RASGRP3: variants seen among roughly 807,000 people sequenced by gnomAD.
The protein encoded by RASGRP3 is ras guanyl-releasing protein 3.
RASGRP3 carries 54 observed loss-of-function variants against 82.7 expected under a neutral mutation model. The ratio of observed to expected loss-of-function variants is 0.65; its 90% CI spans 0.52 to 0.82. RASGRP3 has a LOEUF of 0.82. RASGRP3 is among the 40% of genes least tolerant of loss of function. The pLI, the probability that RASGRP3 is intolerant of heterozygous loss-of-function variation, is 0.00. For synonymous variants in RASGRP3, 309 were observed against 300.5 expected (o/e 1.03, Z -0.29); for missense variants, 861 against 828.9 (o/e 1.04, Z -0.48).
intron 2 of RASGRP3, among the ~76,000 whole-genome samples, chr2:33,459,524 A>G (rs1432996125): frequency 1.3e-5 from 2 of 152,170 alleles, no homozygotes; most frequent in African/African-American, 2.4e-5. Flanking sequence ...AAACAAAGCC[A>G]AACACTAATT....
intron 13 of RASGRP3, among the ~76,000 whole-genome samples, chr2:33,545,712 A>G (rs1402986517): frequency 1.3e-5 from 2 of 152,234 alleles, no homozygotes; most frequent in African/African-American, 2.4e-5. Flanking sequence ...AAGCATATGA[A>G]AAAAAGCTCA....
chr2:33,473,801 A>G (rs560261371), upstream of RASGRP3, among the ~76,000 whole-genome samples: 34 of 152,214 alleles, frequency 2.2e-4, 2 homozygotes, highest in South Asian at 7.1e-3. Flanking sequence ...GAACTAGAAA[A>G]GAACCTCTAC....
At position 33,522,117 on chromosome 2, in the gene RASGRP3, A is replaced by T; in HGVS notation, c.516+15A>T. On this transcript the variant is annotated intron_variant, in intron 7 of 17. Coordinates refer to ENST00000403687, the MANE Select transcript of RASGRP3 (RefSeq NM_001139488.2). ...GAAGGATCTCAGTAAGAAACTTGAC[A>T]TTTATTCTTCCAAGGATAACAACCA... is the stretch of plus-strand genomic sequence containing the variant. 6.3e-7 allele frequency: 1 copy of T among 1,595,014 alleles called. No homozygotes were observed. Among genetic ancestry groups the T allele is most frequent in the Non-Finnish European group, 8.5e-7 (1 of 1,174,054 alleles).
Position 33,521,941 on chromosome 2 carries a change from CTCTTCTTT to C in RASGRP3, c.369-12_369-5del. On this transcript the variant is annotated splice_region_variant and splice_polypyrimidine_tract_variant and intron_variant, in intron 6 of 17. Transcript: ENST00000403687. ...GCTTTCAACACATTGACCGGACTCA[CTCTTCTTT>C]TATAGTCCTTCCTATGACTGGATGA... 6.2e-7 allele frequency: 1 copy of C among 1,601,430 alleles called. No homozygotes were observed. The highest frequency in any genetic ancestry group is 2.2e-5 in the East Asian group (1 of 44,820).
At chr2:33,559,587 G>C (rs773231815) in intron 17 of RASGRP3, 1 of 518,568 alleles carries the variant, frequency 1.9e-6, no homozygotes, top group Non-Finnish European at 3.9e-6. Context: ...GTAGGATGCA[G>C]ATGGAATTTG....
At chr2:33,462,641 G>A (rs1383688862) in intron 2 of RASGRP3, among the ~76,000 whole-genome samples, 2 of 152,152 alleles carry the variant, frequency 1.3e-5, no homozygotes, top group African/African-American at 4.8e-5. Flanking sequence ...GCCTCCCAAA[G>A]TACTGGGATT....
chr2:33,480,533 G>A (rs1667800921), intron 1 of RASGRP3, among the ~76,000 whole-genome samples: 1 of 152,162 alleles, frequency 6.6e-6, no homozygotes, highest in Non-Finnish European at 1.5e-5. Flanking sequence ...GGGTACACGT[G>A]AAGTGGACTC....
At chr2:33,464,103 TAA>T (rs2150903947) in intron 2 of RASGRP3, among the ~76,000 whole-genome samples, 1 of 142,956 alleles carries the variant, frequency 7.0e-6, no homozygotes, top group African/African-American at 2.7e-5. Flanking sequence ...AACTTAATAA[TAA>T]TAATAATTAT....
At chr2:33,494,105 T>C (rs1477550926) in intron 1 of RASGRP3, among the ~76,000 whole-genome samples, 1 of 152,214 alleles carries the variant, frequency 6.6e-6, no homozygotes, top group African/African-American at 2.4e-5. Flanking sequence ...CAAATCACCT[T>C]ATCATTTTGG....
chr2:33,473,225 T>C (rs897332495), upstream of RASGRP3, among the ~76,000 whole-genome samples: 1 of 151,876 alleles, frequency 6.6e-6, no homozygotes, highest in Non-Finnish European at 1.5e-5. Context: ...CTACTAAAAA[T>C]ACAAAAAATT....
At chr2:33,479,346 C>T (rs1371947120) in intron 1 of RASGRP3, among the ~76,000 whole-genome samples, 1 of 152,180 alleles carries the variant, frequency 6.6e-6, no homozygotes, top group Non-Finnish European at 1.5e-5. Flanking sequence ...CAGCACACGG[C>T]TCCCATGCCC....
At chr2:33,549,779 T>G in intron 14 of RASGRP3, 28 bp downstream of exon 14, 1 of 1,606,192 alleles carries the variant, frequency 6.2e-7, no homozygotes, top group South Asian at 1.1e-5. Context: ...TGTTTTCTTA[T>G]GTGTGTAGTT....
intron 1 of RASGRP3, among the ~76,000 whole-genome samples, chr2:33,500,944 TAAATA>T (rs1016208432): frequency 1.3e-5 from 2 of 152,030 alleles, no homozygotes; most frequent in Admixed American, 6.6e-5. Flanking sequence ...AAAAAATAAA[TAAATA>T]AAATAAAGTG....
intron 1 of RASGRP3, among the ~76,000 whole-genome samples, chr2:33,506,380 G>C (rs1670382305): frequency 6.6e-6 from 1 of 152,168 alleles, no homozygotes; most frequent in Non-Finnish European, 1.5e-5. Flanking sequence ...CATGATACTG[G>C]ACAAGTAATT....
chr2:33,443,803 C>T (rs867774386), intron 1 of RASGRP3, among the ~76,000 whole-genome samples: 7 of 151,146 alleles, frequency 4.6e-5, no homozygotes, highest in Middle Eastern at 6.8e-3. Flanking sequence ...ATTGTTTGAG[C>T]CCAGTTGTTC....
At chr2:33,521,529 C>T (rs571057516) in intron 6 of RASGRP3, among the ~76,000 whole-genome samples, 16 of 152,318 alleles carry the variant, frequency 1.1e-4, no homozygotes, top group African/African-American at 3.1e-4. Flanking sequence ...CCTCTGGCAG[C>T]GAGGCCCAGG....
In RASGRP3 at chr2:33,538,789, G is replaced by A. The variant is rs545097688; in HGVS notation, c.1162-305G>A. On this transcript the variant is annotated intron_variant, in intron 11 of 17. Coordinates refer to ENST00000403687, the MANE Select transcript of RASGRP3 (RefSeq NM_001139488.2). ...CGTGGTAGCTCATGCCTATAATCCC[G>A]GCACTTTGGGAGGCTGAGGCCGGAG... Among the ~76,000 whole-genome samples, 28 of 151,596 alleles carry A rather than the reference G, an allele frequency of 1.8e-4. No individual in the cohort carries two copies. In the South Asian group the frequency reaches 2.9e-3, roughly 16 times the overall value.
intron 14 of RASGRP3, among the ~76,000 whole-genome samples, chr2:33,552,027 A>AAAT: frequency 1.6e-5 from 1 of 64,228 alleles, no homozygotes; most frequent in South Asian, 4.6e-4. Context: ...ACAAACAAAC[A>AAAT]GAGAAACAAA....
rs1672085120 is a variant in RASGRP3, at chr2:33,522,040, G to T, written c.454G>T (p.Glu152Ter). Residue 152 changes from glutamate to a stop codon, truncating the protein, a stop_gained, in exon 7 of 18, where the codon GAG becomes TAG. Transcript: ENST00000403687. LOFTEE classifies it high-confidence loss of function. Reference sequence around the variant, plus strand: ...AGCCTGTCTGCTGTTTGACCATCTGGAGCCCATTGAATTGGCTGAGCACCT... The same window carrying T: ...AGCCTGTCTGCTGTTTGACCATCTGTAGCCCATTGAATTGGCTGAGCACCT... ...GKACLLFDHLEPIELAEHLTF... is the reference protein window; with the variant it reads ...GKACLLFDHL 1.2e-6 allele frequency: 2 copies of T among 1,613,748 alleles called. No individual in the cohort carries two copies. The highest frequency in any genetic ancestry group is 2.7e-5 in the African/African-American group (2 of 74,918).
Sources: gnomAD v4.1 joint callset for allele counts (sites outside exome capture counted in the v4.1 genomes callset) on GRCh38, gnomAD v4.1.1 for gene constraint, MANE v1.5 for transcripts, NCBI Gene and HGNC (gene_info 2026-07-23, HGNC 2026-07-21) for gene names.